Variants in CTIF observed in about 807,000 individuals in gnomAD.
CTIF encodes CBP80/20-dependent translation initiation factor.
In CTIF, 21 loss-of-function variants were observed where a neutral mutation model predicts 66.0. That is an observed-to-expected ratio of 0.32 (90% confidence interval 0.23 to 0.46). The LOEUF (loss-of-function observed/expected upper bound fraction) is 0.46, where lower values mean the gene tolerates loss of function less well. Among genes scored for constraint, CTIF ranks in the 20% least tolerant of loss-of-function variants. CTIF has a pLI of 1.00. For missense variants in CTIF, 739 were observed against 812.7 expected (o/e 0.91, Z 1.10); for synonymous variants, 345 against 326.4 (o/e 1.06, Z -0.62).
chr18:48,855,096 G>A (rs79274185), intron 10 of CTIF, among the ~76,000 whole-genome samples: 2,278 of 152,324 alleles, frequency 0.015, 55 homozygotes, highest in African/African-American at 0.052. Flanking sequence ...TGGCGCAGGC[G>A]CTCGGCAGGT....
In CTIF at chr18:48,706,356, C is replaced by T. The variant is rs191668493; in HGVS notation, c.508-5263C>T. On this transcript the variant is annotated intron_variant, in intron 6 of 11. Coordinates refer to ENST00000256413, the MANE Select transcript of CTIF (RefSeq NM_014772.3). Reference sequence around the variant, plus strand: ...AGGGATGGGTGGATGGAGGCATAGACGGGTGGGTGGCTGGGAGCCTGTTGC... The same window carrying T: ...AGGGATGGGTGGATGGAGGCATAGATGGGTGGGTGGCTGGGAGCCTGTTGC... Among the ~76,000 whole-genome samples, 401 of 152,176 alleles carry T rather than the reference C, an allele frequency of 2.6e-3. 2 individuals carry two copies. Among genetic ancestry groups the T allele is most frequent in the South Asian group, 0.017 (83 of 4,818 alleles).
intron 9 of CTIF, among the ~76,000 whole-genome samples, chr18:48,779,507 G>A (rs182310334): frequency 1.3e-5 from 2 of 152,234 alleles, no homozygotes; most frequent in South Asian, 2.1e-4. Flanking sequence ...TTATAAGGCT[G>A]AGGAGAGGTG....
At chr18:48,771,927 G>A (rs907105257) in intron 9 of CTIF, among the ~76,000 whole-genome samples, 4 of 152,258 alleles carry the variant, frequency 2.6e-5, no homozygotes, top group African/African-American at 7.2e-5. Context: ...CGTGGCTGCC[G>A]CTGGAAAGCT....
chr18:48,805,690 C>T (rs1315987121), intron 9 of CTIF, among the ~76,000 whole-genome samples: 1 of 152,212 alleles, frequency 6.6e-6, no homozygotes, highest in African/African-American at 2.4e-5. Context: ...GGCCTTGGAG[C>T]AGGGACTGGG....
chr18:48,687,269 T>C, intron 6 of CTIF, among the ~76,000 whole-genome samples: 1 of 151,284 alleles, frequency 6.6e-6, no homozygotes, highest in South Asian at 2.1e-4. Flanking sequence ...TACATAGATT[T>C]TTTTCTTTGC....
chr18:48,734,863 C>G (rs2092486325), intron 7 of CTIF, among the ~76,000 whole-genome samples: 2 of 152,260 alleles, frequency 1.3e-5, no homozygotes, highest in African/African-American at 2.4e-5. Flanking sequence ...AGCATCCCGT[C>G]TAGTTGGAGT....
intron 1 of CTIF, among the ~76,000 whole-genome samples, chr18:48,580,849 G>T (rs2089638516): frequency 6.6e-6 from 1 of 152,216 alleles, no homozygotes; most frequent in Non-Finnish European, 1.5e-5. Flanking sequence ...CCTCAGAGGA[G>T]GACAAGTCCC....
intron 7 of CTIF, 81 bp from the exon 8 acceptor site, chr18:48,757,838 C>A: frequency 6.6e-7 from 1 of 1,513,436 alleles, no homozygotes; most frequent in Non-Finnish European, 8.9e-7. Context: ...GCAATGACTT[C>A]CTGTTCTGGC....
intron 9 of CTIF, among the ~76,000 whole-genome samples, chr18:48,789,340 A>G (rs1022450079): frequency 6.6e-5 from 10 of 151,898 alleles, no homozygotes; most frequent in African/African-American, 2.4e-4. Flanking sequence ...TGGTAAGATG[A>G]GGATGGTAAT....
intron 3 of CTIF, among the ~76,000 whole-genome samples, chr18:48,641,948 A>C (rs984291589): frequency 2.6e-5 from 4 of 152,230 alleles, no homozygotes; most frequent in African/African-American, 9.6e-5. Flanking sequence ...GCCCCAGAAA[A>C]AGATGGAAGG....
chr18:48,667,100 C>CACACACAG, intron 5 of CTIF, among the ~76,000 whole-genome samples: 1 of 152,056 alleles, frequency 6.6e-6, no homozygotes, highest in East Asian at 1.9e-4. Flanking sequence ...CACACACACA[C>CACACACAG]ACACACACAC....
intron 9 of CTIF, among the ~76,000 whole-genome samples, chr18:48,795,484 C>T (rs1465141567): frequency 1.3e-5 from 2 of 152,172 alleles, no homozygotes; most frequent in East Asian, 3.9e-4. Context: ...TAAAAGGAAG[C>T]CTGCAGTGAG....
chr18:48,630,636 G>A (rs961211727), intron 2 of CTIF, among the ~76,000 whole-genome samples: 1 of 148,924 alleles, frequency 6.7e-6, no homozygotes, highest in Admixed American at 6.7e-5. Context: ...TCCTGTACTG[G>A]TTCAACAGCT....
At chr18:48,730,264 CAGTGTGAGGGCCTCCTG>C (rs2092428710) in intron 7 of CTIF, among the ~76,000 whole-genome samples, 1 of 141,400 alleles carries the variant, frequency 7.1e-6, no homozygotes. Flanking sequence ...GGGGCCCCCG[CAGTGTGAGGGCCTCCTG>C]GGGTGTGAGG....
At chr18:48,843,316 A>C (rs2068991402) in intron 10 of CTIF, among the ~76,000 whole-genome samples, 1 of 152,058 alleles carries the variant, frequency 6.6e-6, no homozygotes, top group Non-Finnish European at 1.5e-5. Context: ...TGCCCTCCCC[A>C]GGGCCCTGCG....
intron 1 of CTIF, among the ~76,000 whole-genome samples, chr18:48,551,368 G>A (rs2088876476): frequency 1.3e-5 from 2 of 152,094 alleles, no homozygotes; most frequent in South Asian, 4.2e-4. Flanking sequence ...AATATGGAAG[G>A]ATTCTCCCCT....
Position 48,841,891 on chromosome 18 carries a change from C to T in CTIF, c.1528-15697C>T, listed in dbSNP as rs575073223. Among the ~76,000 whole-genome samples, 9 of 152,254 alleles carry T rather than the reference C, an allele frequency of 5.9e-5. No homozygotes were observed. The South Asian group carries it at 1.9e-3, about 32-fold the overall frequency. ...GGGCTGAGCTCCAACGCCCTTATCT[C>T]CTTTCCTGCCAGGCAGGGACTCCTC... is the stretch of plus-strand genomic sequence containing the variant. On this transcript the variant is annotated intron_variant, in intron 10 of 11. Coordinates refer to ENST00000256413, the MANE Select transcript of CTIF (RefSeq NM_014772.3).
At chr18:48,782,418 C>A (rs958312382) in intron 9 of CTIF, among the ~76,000 whole-genome samples, 2 of 152,168 alleles carry the variant, frequency 1.3e-5, no homozygotes, top group African/African-American at 4.8e-5. Flanking sequence ...AGCCAGGTCC[C>A]CCTGTCCCCC....
intron 9 of CTIF, among the ~76,000 whole-genome samples, chr18:48,808,174 A>G (rs1209169616): frequency 2.0e-5 from 3 of 152,142 alleles, no homozygotes; most frequent in Non-Finnish European, 4.4e-5. Context: ...GTCCTTATAT[A>G]TATAGATGGG....
Sources: gnomAD v4.1 joint callset for allele counts (sites outside exome capture counted in the v4.1 genomes callset) on GRCh38, gnomAD v4.1.1 for gene constraint, MANE v1.5 for transcripts, NCBI Gene and HGNC (gene_info 2026-07-23, HGNC 2026-07-21) for gene names.